Variants in MAGI1 observed in about 807,000 individuals in gnomAD.
MAGI1 encodes membrane-associated guanylate kinase, WW and PDZ domain-containing protein 1.
MAGI1 carries 58 observed loss-of-function variants against 139.9 expected under a neutral mutation model. The observed-to-expected ratio is 0.41, with a 90% CI of 0.34 to 0.52. MAGI1 has a LOEUF of 0.52. Ranked by LOEUF, MAGI1 falls within the 20% of genes least tolerant of loss-of-function variation. The probability of loss-of-function intolerance (pLI) is 0.12; values close to 1 mark genes in which losing one functional copy is unlikely to be tolerated. For synonymous variants in MAGI1, 812 were observed against 737.9 expected, an observed-to-expected ratio of 1.10 and a Z score of -1.63; for missense variants, 1,874 against 1,901.6, an observed-to-expected ratio of 0.99 and a Z score of 0.27.
intron 1 of MAGI1, among the ~76,000 whole-genome samples, chr3:65,889,835 A>C (rs991348375): frequency 4.6e-5 from 7 of 152,204 alleles, no homozygotes; most frequent in Non-Finnish European, 7.3e-5. Flanking sequence ...CACCAAAAAG[A>C]TAAGCAGAAT....
chr3:65,652,853 T>C (rs1576608287), intron 1 of MAGI1, among the ~76,000 whole-genome samples: 1 of 152,268 alleles, frequency 6.6e-6, no homozygotes, highest in Non-Finnish European at 1.5e-5. Context: ...CTGACACCAA[T>C]GACCGGAATT....
chr3:65,421,371 G>C (rs1946621932), intron 12 of MAGI1, among the ~76,000 whole-genome samples: 1 of 152,152 alleles, frequency 6.6e-6, no homozygotes, highest in Non-Finnish European at 1.5e-5. Context: ...GAAGATGTTA[G>C]GCAGCACGTT....
At chr3:65,741,115 G>C (rs1265449670) in intron 1 of MAGI1, among the ~76,000 whole-genome samples, 1 of 151,716 alleles carries the variant, frequency 6.6e-6, no homozygotes, top group East Asian at 1.9e-4. Flanking sequence ...GTTATGACCA[G>C]AGAGAACTTG....
intron 1 of MAGI1, among the ~76,000 whole-genome samples, chr3:65,683,744 A>G (rs1215437036): frequency 6.6e-6 from 1 of 151,780 alleles, no homozygotes; most frequent in Non-Finnish European, 1.5e-5. Flanking sequence ...TTTAAACCAC[A>G]ATGAGAGCAC....
chr3:65,578,923 A>AAGAG (rs139290080), intron 2 of MAGI1, among the ~76,000 whole-genome samples: 138 of 145,748 alleles, frequency 9.5e-4, no homozygotes, highest in African/African-American at 2.9e-3. Flanking sequence ...TCTGTCTCCA[A>AAGAG]AGAGAGAGAG....
chr3:65,715,975 A>G (rs917970182), intron 1 of MAGI1, among the ~76,000 whole-genome samples: 1 of 152,226 alleles, frequency 6.6e-6, no homozygotes, highest in East Asian at 1.9e-4. Context: ...GTTGAAGTAG[A>G]GCTTTCAAAA....
chr3:65,419,684 C>T (rs1179333144), intron 12 of MAGI1, among the ~76,000 whole-genome samples: 1 of 152,170 alleles, frequency 6.6e-6, no homozygotes, highest in Non-Finnish European at 1.5e-5. Context: ...GGATCCACAT[C>T]TCAGCAAAGA....
intron 1 of MAGI1, among the ~76,000 whole-genome samples, chr3:65,869,013 A>G (rs1431578464): frequency 6.6e-6 from 1 of 151,942 alleles, no homozygotes; most frequent in Non-Finnish European, 1.5e-5. Flanking sequence ...CACGCTTGTA[A>G]TCCCAGCACT....
chr3:65,509,586 G>A (rs1435840881), intron 2 of MAGI1, among the ~76,000 whole-genome samples: 4 of 152,188 alleles, frequency 2.6e-5, no homozygotes, highest in African/African-American at 9.7e-5. Context: ...CGAATATTTC[G>A]CTTTTCAGAC....
intron 1 of MAGI1, among the ~76,000 whole-genome samples, chr3:65,932,464 T>C (rs954383265): frequency 3.9e-5 from 6 of 152,204 alleles, no homozygotes; most frequent in African/African-American, 1.2e-4. Flanking sequence ...CTAGGTTTCT[T>C]CTTTGGAACA....
At position 66,016,919 on chromosome 3, in the gene MAGI1, C is replaced by T. The variant is rs1227084089; in HGVS notation, c.313+21077G>A. ...AAAGGGTAAACACTGTACGATTTCA[C>T]TTTTATGAGGTATCTGGAGTAGTCA... On this transcript the variant is annotated intron_variant, in intron 1 of 22. Transcript: ENST00000402939. Among the ~76,000 whole-genome samples the T allele has an allele frequency of 2.0e-5, 3 of 152,176 alleles. No individual in the cohort carries two copies. In the East Asian group the frequency reaches 5.8e-4, roughly 29 times the overall value.
intron 1 of MAGI1, among the ~76,000 whole-genome samples, chr3:65,643,879 C>T (rs1003210603): frequency 6.6e-6 from 1 of 152,150 alleles, no homozygotes. Context: ...GTCACCTAAT[C>T]TCTGCTCCTC....
intron 2 of MAGI1, among the ~76,000 whole-genome samples, chr3:65,521,936 T>C (rs2078183406): frequency 6.6e-6 from 1 of 152,212 alleles, no homozygotes; most frequent in African/African-American, 2.4e-5. Flanking sequence ...CTGACATTTC[T>C]ATTCTTCTTC....
intron 1 of MAGI1, among the ~76,000 whole-genome samples, chr3:65,750,487 T>C (rs575496358): frequency 4.3e-4 from 66 of 152,204 alleles, no homozygotes; most frequent in Admixed American, 7.2e-4. Context: ...ACAATATAGT[T>C]ACTCTAAATA....
At chr3:65,994,273 C>CAAAAAAAA (rs35940908) in intron 1 of MAGI1, among the ~76,000 whole-genome samples, 143 of 109,372 alleles carry the variant, frequency 1.3e-3, no homozygotes, top group African/African-American at 5.4e-3. Flanking sequence ...GACTCCATCT[C>CAAAAAAAA]AAAAAAAAAA....
At chr3:65,707,994 T>C (rs1231889943) in intron 1 of MAGI1, among the ~76,000 whole-genome samples, 1 of 152,176 alleles carries the variant, frequency 6.6e-6, no homozygotes, top group Admixed American at 6.5e-5. Context: ...GGTATCAATG[T>C]CTACACACTT....
At chr3:65,455,716 G>A (rs1469988479) in intron 5 of MAGI1, among the ~76,000 whole-genome samples, 5 of 152,098 alleles carry the variant, frequency 3.3e-5, no homozygotes, top group African/African-American at 7.2e-5. Flanking sequence ...TAGCCTGGGC[G>A]ACAGAGTGAG....
chr3:65,695,168 G>C (rs1208612156), intron 1 of MAGI1, among the ~76,000 whole-genome samples: 1 of 151,956 alleles, frequency 6.6e-6, no homozygotes, highest in Non-Finnish European at 1.5e-5. Context: ...TAACCGATAA[G>C]GTAGAAAAAA....
At chr3:65,643,390 C>G (rs150159056) in intron 1 of MAGI1, among the ~76,000 whole-genome samples, 1 of 152,084 alleles carries the variant, frequency 6.6e-6, no homozygotes, top group Non-Finnish European at 1.5e-5. Flanking sequence ...TTGCTATCTA[C>G]GAAAAATAAA....
Sources: allele counts gnomAD v4.1 joint callset (sites outside exome capture counted in the v4.1 genomes callset), GRCh38; gene constraint gnomAD v4.1.1; transcripts MANE v1.5; gene names NCBI Gene and HGNC (gene_info 2026-07-23, HGNC 2026-07-21).